The following CLIP1 variants were observed in gnomAD, a reference collection of about 807,000 sequenced individuals.
CLIP1 encodes CAP-Gly domain-containing linker protein 1.
Under a neutral mutation model 161.6 loss-of-function variants are expected in CLIP1, and 66 were observed. That is an observed-to-expected ratio of 0.41 (90% CI 0.33 to 0.50). CLIP1 has a LOEUF of 0.50. Among genes scored for constraint, CLIP1 ranks in the 20% least tolerant of loss-of-function variants. The probability of loss-of-function intolerance (pLI) is 0.27; values close to 1 mark genes in which losing one functional copy is unlikely to be tolerated. For missense variants in CLIP1, 1,376 were observed against 1,702.0 expected (o/e 0.81, Z 3.37); for synonymous variants, 598 against 626.2 (o/e 0.96, Z 0.67).
chr12:122,364,342 C>A (rs1270524387), intron 3 of CLIP1, among the ~76,000 whole-genome samples: 1 of 152,032 alleles, frequency 6.6e-6, no homozygotes, highest in Non-Finnish European at 1.5e-5. Flanking sequence ...AATGAGACAG[C>A]CAATCTAATA....
intron 1 of CLIP1, among the ~76,000 whole-genome samples, chr12:122,396,354 G>C (rs1040697746): frequency 3.9e-5 from 6 of 152,238 alleles, no homozygotes; most frequent in Middle Eastern, 3.4e-3. Flanking sequence ...AGGCAAAATG[G>C]CCAGGCTGTT....
intron 20 of CLIP1, among the ~76,000 whole-genome samples, chr12:122,293,190 C>T (rs563460841): frequency 1.1e-4 from 17 of 151,674 alleles, no homozygotes; most frequent in Non-Finnish European, 2.1e-4. Context: ...GACATTTTAC[C>T]AAAGAAGAGA....
chr12:122,328,539 TTAA>T, intron 15 of CLIP1, 113 bp from the exon 16 acceptor site: 1 of 623,920 alleles, frequency 1.6e-6, no homozygotes, highest in African/African-American at 1.9e-5. Context: ...TTATGTGTAA[TTAA>T]TAACATCAGA....
chr12:122,347,323 GTCCACCCTTC>G (rs1952798099), intron 10 of CLIP1, 42 bp downstream of exon 10: 10 of 1,322,436 alleles, frequency 7.6e-6, no homozygotes, highest in Non-Finnish European at 1.1e-5. Context: ...CACCTGAGGT[GTCCACCCTTC>G]ACATGCATGG....
chr12:122,282,791 A>C (rs1566073362), intron 21 of CLIP1, among the ~76,000 whole-genome samples: 1 of 152,166 alleles, frequency 6.6e-6, no homozygotes, highest in African/African-American at 2.4e-5. Flanking sequence ...AAATATATGA[A>C]ATTTATTTAT....
At chr12:122,360,877 C>A (rs754390907) in intron 5 of CLIP1, 82 bp downstream of exon 5, 1 of 1,142,668 alleles carries the variant, frequency 8.8e-7, no homozygotes, top group Admixed American at 2.7e-5. Flanking sequence ...AGCAAAGCAG[C>A]AAAGCAGCAA....
At chr12:122,288,452 AAACACACACACATAC>A (rs1221567450) in intron 21 of CLIP1, 22 bp downstream of exon 21, 1 of 1,547,468 alleles carries the variant, frequency 6.5e-7, no homozygotes, top group African/African-American at 1.4e-5. Context: ...ACATCTTATT[AAACACACACACATAC>A]AACAATAAAC....
At chr12:122,283,684 C>T (rs1301038199) in intron 21 of CLIP1, among the ~76,000 whole-genome samples, 2 of 152,002 alleles carry the variant, frequency 1.3e-5, no homozygotes, top group Non-Finnish European at 2.9e-5. Context: ...GTCTTGAACT[C>T]CTGACCTCAG....
At position 122,273,119 on chromosome 12, in the gene CLIP1, GA is replaced by G; in HGVS notation, c.4092-20del. ...ATCATCACTACAAATGTTAATGTGT[GA>G]AATCAGAAAATTTATCAGAAGAAAC... On this transcript the variant is annotated intron_variant, in intron 25 of 25. Transcript: ENST00000620786. The G allele has an allele frequency of 6.3e-7, 1 of 1,593,828 alleles. No individual in the cohort carries two copies. Among genetic ancestry groups the G allele is most frequent in the Non-Finnish European group, 8.6e-7 (1 of 1,165,620 alleles).
chr12:122,328,251 A>ATC lies in CLIP1; in HGVS notation c.3033+8_3033+9dup. On this transcript the variant is annotated intron_variant, in intron 16 of 25. Transcript: ENST00000620786. ...TTGCCAGCCAACAGGCCCACTGAGT[A>ATC]TCTCCTTACCAGGTCCGACAATTTC... The ATC allele has an allele frequency of 6.2e-7, 1 of 1,613,708 alleles. No individual in the cohort carries two copies. The highest frequency in any genetic ancestry group is 1.1e-5 in the South Asian group (1 of 91,050).
In CLIP1 at chr12:122,361,187, GAGAACAATA is replaced by G. The variant is rs879818498; in HGVS notation, c.783-15_783-7del. The G allele has an allele frequency of 5.0e-6, 8 of 1,601,752 alleles. No individual in the cohort carries two copies. The highest frequency in any genetic ancestry group is 6.8e-6 in the Non-Finnish European group (8 of 1,170,820). On this transcript the variant is annotated splice_region_variant and splice_polypyrimidine_tract_variant and intron_variant, in intron 4 of 25. Transcript: ENST00000620786. ...TGGGTTGACACTGAAAATACCTTTA[GAGAACAATA>G]AGAACAATAACAAAAAACAACTTAA...
In CLIP1 at chr12:122,334,663, G is replaced by C. The variant is rs1283328324; in HGVS notation, c.2611C>G (p.Gln871Glu). 7.6e-6 allele frequency: 12 copies of C among 1,587,322 alleles called. No individual in the cohort carries two copies. The highest frequency in any genetic ancestry group is 1.0e-5 in the Non-Finnish European group (12 of 1,163,920). ...AEASEEAVSV[Q>E]RSMQETVNKL... ...TAAGACATACCTTGCATACTTCTCT[G>C]AACAGAGACTGCCTCCTCTGAAGCT... Residue 871 changes from glutamine (Q) to glutamate (E), a missense_variant, in exon 13 of 26, where the codon CAG becomes GAG. Gln to Glu is a conservative substitution (Grantham distance 29). Coordinates refer to ENST00000620786, the MANE Select transcript of CLIP1 (RefSeq NM_001247997.2).
chr12:122,337,918 G>C (rs1452449877), intron 11 of CLIP1, among the ~76,000 whole-genome samples: 1 of 150,238 alleles, frequency 6.7e-6, no homozygotes, highest in South Asian at 2.1e-4. Context: ...AGGAGGCTGA[G>C]GCAGGAGAAT....
At chr12:122,293,327 T>C (rs73404018) in intron 20 of CLIP1, among the ~76,000 whole-genome samples, 4,105 of 152,134 alleles carry the variant, frequency 0.027, 128 homozygotes, top group African/African-American at 0.07. Flanking sequence ...ATCCCAGTGG[T>C]TCCCTAGTTG....
At chr12:122,300,359 A>G (rs577269194) in intron 20 of CLIP1, among the ~76,000 whole-genome samples, 82 of 152,266 alleles carry the variant, frequency 5.4e-4, no homozygotes, top group African/African-American at 1.7e-3. Context: ...AGAGAGGGGG[A>G]AAAAAGCAAA....
intron 21 of CLIP1, among the ~76,000 whole-genome samples, chr12:122,283,786 T>G (rs1449290036): frequency 6.6e-6 from 1 of 152,162 alleles, no homozygotes; most frequent in African/African-American, 2.4e-5. Flanking sequence ...AATCCTACAG[T>G]TGGGAGTAAG....
rs1220781083 is a variant in CLIP1, at chr12:122,390,321, AT to A, written c.-106-9764del. On this transcript the variant is annotated intron_variant, in intron 1 of 25. Transcript: ENST00000620786. ...ATATATATGTATATATATATATATT[AT>A]TTTTTTTTTAAACGGAGTCTCGCTC... Among the ~76,000 whole-genome samples, 175 of 121,128 alleles carry A rather than the reference AT, an allele frequency of 1.4e-3. 1 individual carries two copies. The highest frequency in any genetic ancestry group is 4.7e-3 in the African/African-American group (147 of 31,506). The allele number at this position is 121,128 out of a possible 152,430, so 79.5% of individuals were successfully genotyped here. A position where few individuals can be genotyped will look rare whatever the true frequency, so the allele number is the denominator to read the frequency against.
chr12:122,319,367 T>G lies in CLIP1; in HGVS notation c.3250-19A>C, dbSNP rs779493056. ...GAGCAGCCTAAATACAAGGAAACAC[T>G]GTGAGAAATGAGGACAGCCCTCGCC... On this transcript the variant is annotated intron_variant, in intron 17 of 25. Coordinates refer to ENST00000620786, the MANE Select transcript of CLIP1 (RefSeq NM_001247997.2). 6.3e-7 allele frequency: 1 copy of G among 1,581,596 alleles called. No individual in the cohort carries two copies. The highest frequency in any genetic ancestry group is 1.1e-5 in the South Asian group (1 of 90,428).
At position 122,378,847 on chromosome 12, in the gene CLIP1, C is replaced by T. The variant is rs1593201089; in HGVS notation, c.86-887G>A. The stretch of plus-strand genomic sequence containing the variant: ...CCATTCCTACTAAAAAATATAGGGC[C>T]GGGTGCAGTGGCTCACACCTGTAAT... On this transcript the variant is annotated intron_variant, in intron 2 of 25. Transcript: ENST00000620786. Among the ~76,000 whole-genome samples the T allele has an allele frequency of 3.3e-5, 5 of 151,814 alleles. No individual in the cohort carries two copies. The East Asian group carries it at 7.8e-4, about 24-fold the overall frequency.
Sources: gnomAD v4.1 joint callset for allele counts (sites outside exome capture counted in the v4.1 genomes callset) on GRCh38, gnomAD v4.1.1 for gene constraint, MANE v1.5 for transcripts, NCBI Gene and HGNC (gene_info 2026-07-23, HGNC 2026-07-21) for gene names.